The following DUT variants were observed in gnomAD, a reference collection of about 807,000 sequenced individuals.
DUT encodes the protein deoxyuridine triphosphatase.
Under a neutral mutation model 28.8 loss-of-function variants are expected in DUT, and 21 were observed. The ratio of observed to expected loss-of-function variants is 0.73; its 90% confidence interval spans 0.52 to 1.05. The LOEUF (loss-of-function observed/expected upper bound fraction) is 1.05. Among genes scored for constraint, DUT ranks in the 50% least tolerant of loss-of-function variants. The pLI is 0.00. For synonymous variants in DUT, 147 were observed against 143.7 expected (o/e 1.02, Z -0.17); for missense variants, 344 against 351.8 (o/e 0.98, Z 0.18).
chr15:48,336,630 G>T (rs2042478702), intron 4 of DUT, among the ~76,000 whole-genome samples: 1 of 152,114 alleles, frequency 6.6e-6, no homozygotes, highest in African/African-American at 2.4e-5. Context: ...TCCTCTTATT[G>T]TAAGGAAATT....
intron 4 of DUT, among the ~76,000 whole-genome samples, chr15:48,340,621 C>A (rs982264604): frequency 6.6e-6 from 1 of 152,090 alleles, no homozygotes; most frequent in Non-Finnish European, 1.5e-5. Flanking sequence ...ATCTTCTCCC[C>A]CTGTGTTCAT....
chr15:48,334,431 C>T lies in DUT; in HGVS notation c.434C>T (p.Thr145Ile), dbSNP rs1197105404. Residue 145 changes from threonine (T) to isoleucine (I), a missense_variant, in exon 3 of 7, where the codon ACA (threonine) becomes ATA (isoleucine). Coordinates refer to ENST00000331200, the MANE Select transcript of DUT (RefSeq NM_001025248.2). The part of the protein sequence containing the change: ...GYDLYSAYDY[T>I]IPPMEKAVVK... ...TATTTTCTTAGTGCCTATGATTACA[C>T]AATACCACCTATGGAGAAAGCTGTT... The T allele has an allele frequency of 6.2e-7, 1 of 1,602,506 alleles. No individual in the cohort carries two copies. The highest frequency in any genetic ancestry group is 1.3e-5 in the African/African-American group (1 of 74,796).
At chr15:48,341,127 A>G (rs911009121) in intron 4 of DUT, 162 bp from the exon 5 acceptor site, 3 of 492,166 alleles carry the variant, frequency 6.1e-6, no homozygotes, top group Non-Finnish European at 1.1e-5. Context: ...TAGTAATGTC[A>G]TTTCTTGGTT....
rs1306935868 is a variant in DUT, at chr15:48,342,444, T to A, written c.*366T>A. 1 of 154,870 alleles carries A rather than the reference T, an allele frequency of 6.5e-6. No homozygotes were observed. Among genetic ancestry groups the A allele is most frequent in the Non-Finnish European group, 1.4e-5 (1 of 69,914 alleles). The allele number at this position is 154,870 out of a possible 1,614,324, so 9.6% of individuals were successfully genotyped here. A position where few individuals can be genotyped will look rare whatever the true frequency, so the allele number is the denominator to read the frequency against. ...CATATGATCTCCCTTCAGCAACTTA[T>A]TTTGCTTTAATTGCTTTAAATCTTA... On this transcript the variant is annotated 3_prime_UTR_variant, in exon 7 of 7. Coordinates refer to ENST00000331200, the MANE Select transcript of DUT (RefSeq NM_001025248.2).
intron 6 of DUT, 98 bp downstream of exon 6, chr15:48,341,683 A>G (rs1440215455): frequency 5.9e-6 from 6 of 1,011,756 alleles, no homozygotes; most frequent in Non-Finnish European, 8.8e-6. Flanking sequence ...TTGTAACTAA[A>G]TAGTATATAT....
chr15:48,336,604 C>G (rs1209260309), intron 4 of DUT, among the ~76,000 whole-genome samples: 1 of 152,182 alleles, frequency 6.6e-6, no homozygotes, highest in Non-Finnish European at 1.5e-5. Context: ...GCTAACTACT[C>G]TTGATACAGA....
At position 48,331,782 on chromosome 15, in the gene DUT, G is replaced by A. The variant is rs955509059; in HGVS notation, c.267G>A (p.Pro89=). 5.8e-6 allele frequency: 8 copies of A among 1,377,594 alleles called. No homozygotes were observed. The African/African-American group carries it at 1.2e-4, about 21-fold the overall frequency. 85.3% of individuals were successfully genotyped at this position (1,377,594 alleles called of 1,614,324 possible). The change falls in exon 1 of 7, where the codon CCG becomes CCA. Residue 89 remains proline (P), a synonymous_variant. Coordinates refer to ENST00000331200, the MANE Select transcript of DUT (RefSeq NM_001025248.2). The part of the protein sequence containing the change: ...KGELPKAGGS[P]APGPETPAIS... Reference sequence around the variant, plus strand: ...AGCTTCCTAAGGCGGGGGGAAGCCCGGCGCCGGGGCCGGGTAGGAAAGGCG... The same window carrying A: ...AGCTTCCTAAGGCGGGGGGAAGCCCAGCGCCGGGGCCGGGTAGGAAAGGCG...
chr15:48,332,440 A>G (rs1354199133), intron 2 of DUT, 34 bp downstream of exon 2: 3 of 1,496,046 alleles, frequency 2.0e-6, no homozygotes, highest in East Asian at 4.9e-5. Context: ...GAGGCTGGGA[A>G]GGGCCGGCCG....
At chr15:48,331,229 C>G, upstream of DUT, 1 of 1,492,046 alleles carries the variant, frequency 6.7e-7, no homozygotes, top group Non-Finnish European at 8.9e-7. Flanking sequence ...GCCTGGCGTA[C>G]ACTCTCGGAA....
At chr15:48,336,765 A>AT (rs2042480850) in intron 4 of DUT, among the ~76,000 whole-genome samples, 1 of 152,176 alleles carries the variant, frequency 6.6e-6, no homozygotes, top group African/African-American at 2.4e-5. Flanking sequence ...TTAACAAGAT[A>AT]CCTTGGCCCC....
At position 48,341,586 on chromosome 15, in the gene DUT, G is replaced by T. The variant is rs1261175560; in HGVS notation, c.702+1G>T. 1 of 1,608,542 alleles carries T rather than the reference G, an allele frequency of 6.2e-7. No homozygotes were observed. The highest frequency in any genetic ancestry group is 8.5e-7 in the Non-Finnish European group (1 of 1,176,036). Reference sequence around the variant, plus strand: ...TTATCCAGAAATAGAAGAAGTTCAAGTAAGTATTACAAAGGAAGATACAGA... The same window carrying T: ...TTATCCAGAAATAGAAGAAGTTCAATTAAGTATTACAAAGGAAGATACAGA... On this transcript the variant is annotated splice_donor_variant, in intron 6 of 6. Transcript: ENST00000331200. LOFTEE classifies it high-confidence loss of function.
intron 2 of DUT, among the ~76,000 whole-genome samples, chr15:48,334,093 G>A (rs1041262759): frequency 1.3e-5 from 2 of 152,084 alleles, no homozygotes; most frequent in East Asian, 1.9e-4. Context: ...GCCCTTTCAC[G>A]CTGATAAGTA....
At chr15:48,338,204 C>T (rs1357391063) in intron 4 of DUT, among the ~76,000 whole-genome samples, 2 of 151,216 alleles carry the variant, frequency 1.3e-5, no homozygotes, top group Non-Finnish European at 3.0e-5. Flanking sequence ...AAAAAAAAAA[C>T]TATTGAGGGC....
intron 6 of DUT, 154 bp from the exon 7 acceptor site, chr15:48,341,868 T>C: frequency 1.5e-6 from 1 of 650,560 alleles, no homozygotes; most frequent in East Asian, 3.0e-5. Context: ...TTATGGAGCT[T>C]TTTAGAATTT....
At chr15:48,331,287 C>T (rs2042403255), upstream of DUT, 1 of 1,449,058 alleles carries the variant, frequency 6.9e-7, no homozygotes. Context: ...GAGGGCTAGG[C>T]AGCCAGAGGC....
intron 4 of DUT, among the ~76,000 whole-genome samples, chr15:48,340,457 T>TA (rs1254813114): frequency 2.0e-5 from 3 of 152,148 alleles, no homozygotes; most frequent in Non-Finnish European, 4.4e-5. Flanking sequence ...TTTATCAATA[T>TA]AAAAAAATGA....
intron 6 of DUT, 21 bp downstream of exon 6, chr15:48,341,606 T>C: frequency 6.3e-7 from 1 of 1,576,498 alleles, no homozygotes. Flanking sequence ...CAAAGGAAGA[T>C]ACAGAATAAG....
At chr15:48,332,605 A>G (rs1386124750) in intron 2 of DUT, 199 bp downstream of exon 2, 11 of 696,496 alleles carry the variant, frequency 1.6e-5, no homozygotes, top group East Asian at 5.4e-5. Context: ...TAAGTAAAAT[A>G]GCTATACGGT....
chr15:48,332,160 A>G (rs893747430), intron 1 of DUT, 108 bp from the exon 2 acceptor site: 17 of 1,428,222 alleles, frequency 1.2e-5, no homozygotes, highest in East Asian at 2.8e-5. Context: ...GGCTGGCGGG[A>G]AATTTCGGTT....
Sources: gnomAD v4.1 joint callset for allele counts (sites outside exome capture counted in the v4.1 genomes callset) on GRCh38, gnomAD v4.1.1 for gene constraint, MANE v1.5 for transcripts, NCBI Gene and HGNC (gene_info 2026-07-23, HGNC 2026-07-21) for gene names.